The following POLE variants were observed in gnomAD, a reference collection of about 807,000 sequenced individuals.
The protein encoded by POLE is DNA polymerase epsilon, catalytic subunit.
POLE carries 188 observed loss-of-function variants against 279.2 expected under a neutral mutation model. The observed-to-expected ratio is 0.67, with a 90% CI of 0.60 to 0.76. The LOEUF (loss-of-function observed/expected upper bound fraction) is 0.76, where lower values mean the gene tolerates loss of function less well. POLE is among the 30% of genes least tolerant of loss of function. The pLI is 0.00. For missense variants in POLE, 2,703 were observed against 3,016.7 expected (o/e 0.90, Z 2.44); for synonymous variants, 1,214 against 1,172.5 (o/e 1.04, Z -0.72).
At chr12:132,656,154 C>T (rs925763846) in intron 29 of POLE, among the ~76,000 whole-genome samples, 11 of 151,566 alleles carry the variant, frequency 7.3e-5, no homozygotes, top group Non-Finnish European at 5.9e-5. Context: ...CCCAGCTACA[C>T]TAGAGGCTGA....
chr12:132,686,345 C>A (rs2043265984), intron 1 of POLE, among the ~76,000 whole-genome samples: 1 of 152,246 alleles, frequency 6.6e-6, no homozygotes, highest in East Asian at 1.9e-4. Context: ...GCAGCCTTGA[C>A]CTGCCGGGCT....
chr12:132,624,632 G>A lies in POLE; in HGVS notation c.*65C>T, dbSNP rs770636360. On this transcript the variant is annotated 3_prime_UTR_variant, in exon 49 of 49. Coordinates refer to ENST00000320574, the MANE Select transcript of POLE (RefSeq NM_006231.4). Reference sequence around the variant, plus strand: ...TCAGTGGTCTGGTCACTGGAAGCACGGGGATGTGGCCTTGGCATCAGGAGG... The same window carrying A: ...TCAGTGGTCTGGTCACTGGAAGCACAGGGATGTGGCCTTGGCATCAGGAGG... 36 of 909,900 alleles carry A rather than the reference G, an allele frequency of 4.0e-5. No homozygotes were observed. The highest frequency in any genetic ancestry group is 4.8e-5 in the East Asian group (2 of 41,812). The allele number at this position is 909,900 out of a possible 1,614,324, so 56.4% of individuals were successfully genotyped here.
At chr12:132,638,181 C>G in intron 40 of POLE, 42 bp from the exon 41 acceptor site, 1 of 1,598,534 alleles carries the variant, frequency 6.3e-7, no homozygotes, top group South Asian at 1.1e-5. Flanking sequence ...ACGCCACAGT[C>G]ATGGAGAGCC....
chr12:132,636,920 A>T (rs576695327), intron 41 of POLE, among the ~76,000 whole-genome samples: 2 of 152,322 alleles, frequency 1.3e-5, no homozygotes, highest in South Asian at 4.1e-4. Flanking sequence ...CGCGCTAAGG[A>T]AGAATAGCAG....
chr12:132,656,984 G>A (rs1220352333), intron 29 of POLE, 152 bp downstream of exon 29: 2 of 751,338 alleles, frequency 2.7e-6, no homozygotes, highest in Admixed American at 2.7e-5. Context: ...CAGAGTTAGA[G>A]AGTAAAGTGC....
At position 132,673,602 on chromosome 12, in the gene POLE, CAT is replaced by C; in HGVS notation, c.1330_1331del (p.Met444ValfsTer58). The C allele has an allele frequency of 6.2e-7, 1 of 1,613,480 alleles. No individual in the cohort carries two copies. Among genetic ancestry groups the C allele is most frequent in the Middle Eastern group, 1.7e-4 (1 of 6,058 alleles). On this transcript the variant is annotated frameshift_variant, in exon 13 of 49. Transcript: ENST00000320574. LOFTEE classifies it high-confidence loss of function. Reference protein sequence around the residue: ...YDPVELDPEDMCRMATEQPQT... With the variant: ...YDPVELDPEDXCRMATEQPQT... ...GGGGCTGCTCCGTGGCCATCCGGCA[CAT>C]GTCCTCCGGGTCTAGCTCCACGGGA...
rs144941152 is a variant in POLE at position 132,642,210 on chromosome 12, C to A, written c.5140G>T (p.Val1714Phe). 3 of 1,604,456 alleles carry A rather than the reference C, an allele frequency of 1.9e-6. No homozygotes were observed. Among genetic ancestry groups the A allele is most frequent in the African/African-American group, 2.7e-5 (2 of 74,704 alleles). ...LVMEFDDQATVEINSSGCYST... is the reference protein window; with the variant it reads ...LVMEFDDQATFEINSSGCYST... The stretch of plus-strand genomic sequence containing the variant: ...TAACAGCCTGAACTGTTGATCTCAA[C>A]AGTGGCTTGGTCATCGAACTCCATG... Residue 1714 changes from valine to phenylalanine, a missense_variant, in exon 38 of 49, where the codon GTT becomes TTT. By Grantham distance (50) the Val-to-Phe change is conservative. Transcript: ENST00000320574.
Position 132,664,571 on chromosome 12 carries a change from G to T in POLE, c.2469-109C>A. 1 of 809,688 alleles carries T rather than the reference G, an allele frequency of 1.2e-6. No individual in the cohort carries two copies. Among genetic ancestry groups the T allele is most frequent in the African/African-American group, 1.7e-5 (1 of 59,532 alleles). 50.2% of individuals were successfully genotyped at this position (809,688 alleles called of 1,614,324 possible). On this transcript the variant is annotated intron_variant, in intron 21 of 48. Coordinates refer to ENST00000320574, the MANE Select transcript of POLE (RefSeq NM_006231.4). This position sits in a 1 kb window ranked among gnomAD's most constrained non-coding sequence, Gnocchi z 5.3. ...AAAGGAGAGATGCGACAGGGACAAG[G>T]GAAGCAGCCAAATGTGCGTGCACCA...
chr12:132,682,427 T>G (rs2043190602), intron 1 of POLE, among the ~76,000 whole-genome samples: 1 of 151,928 alleles, frequency 6.6e-6, no homozygotes, highest in Non-Finnish European at 1.5e-5. Flanking sequence ...GAGGTTGCAG[T>G]GAGCCAAGAT....
Position 132,624,623 on chromosome 12 carries a change from TG to T in POLE, c.*73del. 1.1e-6 allele frequency: 1 copy of T among 875,868 alleles called. No homozygotes were observed. Among genetic ancestry groups the T allele is most frequent in the Non-Finnish European group, 2.0e-6 (1 of 508,316 alleles). 54.3% of individuals were successfully genotyped at this position (875,868 alleles called of 1,614,324 possible). On this transcript the variant is annotated 3_prime_UTR_variant, in exon 49 of 49. Transcript: ENST00000320574. The stretch of plus-strand genomic sequence containing the variant: ...TCAGGGTGGTCAGTGGTCTGGTCAC[TG>T]GAAGCACGGGGATGTGGCCTTGGCA...
chr12:132,647,159 G>A (rs1184258693), intron 32 of POLE, among the ~76,000 whole-genome samples: 2 of 152,098 alleles, frequency 1.3e-5, no homozygotes, highest in Non-Finnish European at 2.9e-5. Flanking sequence ...GTGTGTGTTG[G>A]GCGGGATTTG....
intron 39 of POLE, among the ~76,000 whole-genome samples, chr12:132,640,202 G>C (rs2042115089): frequency 6.6e-6 from 1 of 152,104 alleles, no homozygotes; most frequent in African/African-American, 2.4e-5. Context: ...CTTCAGTCCT[G>C]CCTTGCAGGA....
chr12:132,665,585 T>C (rs985934283), intron 20 of POLE, 135 bp from the exon 21 acceptor site: 38 of 950,044 alleles, frequency 4.0e-5, no homozygotes, highest in Non-Finnish European at 5.5e-5. Flanking sequence ...CAATGAAGAG[T>C]GTACATTCTT....
chr12:132,636,159 T>A (rs1194526805), intron 41 of POLE, 135 bp from the exon 42 acceptor site: 2 of 905,946 alleles, frequency 2.2e-6, no homozygotes, highest in African/African-American at 1.7e-5. Flanking sequence ...GACCACATCA[T>A]CCCTCAGGCT....
rs545351105 is a variant in POLE, at chr12:132,628,512, G to A, written c.6331-2195C>T. On this transcript the variant is annotated intron_variant, in intron 45 of 48. Transcript: ENST00000320574. ...ACAAAAATTAGCTGAGCATTGTGGC[G>A]GGCACCTGTAATCCCAGCTACTTGG... Among the ~76,000 whole-genome samples the A allele has an allele frequency of 1.4e-4, 21 of 151,810 alleles. No homozygotes were observed. In the South Asian group the frequency reaches 2.5e-3, roughly 18 times the overall value.
rs766544815 is a variant in POLE at position 132,659,364 on chromosome 12, A to G, written c.3206T>C (p.Val1069Ala). ...GCGGCAACTCAGCCCTGCATCCTTG[A>G]CCATCTGGTCTCCCAGGAACTCGGC... ...RLAEFLGDQMVKDAGLSCRYI... is the reference protein window; with the variant it reads ...RLAEFLGDQMAKDAGLSCRYI... Residue 1069 changes from valine to alanine, a missense_variant, in exon 26 of 49, where the codon GTC becomes GCC. Val to Ala is a moderately conservative substitution (Grantham distance 64). Transcript: ENST00000320574. 1 of 1,614,168 alleles carries G rather than the reference A, an allele frequency of 6.2e-7. No individual in the cohort carries two copies. Among genetic ancestry groups the G allele is most frequent in the Non-Finnish European group, 8.5e-7 (1 of 1,180,016 alleles).
chr12:132,676,064 C>T (rs1205936659), intron 10 of POLE, 30 bp downstream of exon 10: 15 of 1,395,954 alleles, frequency 1.1e-5, no homozygotes, highest in East Asian at 4.6e-5. Context: ...CCCACAATAC[C>T]GGGTAGTTTC....
chr12:132,665,849 C>G (rs1228215552), intron 20 of POLE, among the ~76,000 whole-genome samples: 1 of 152,174 alleles, frequency 6.6e-6, no homozygotes, highest in African/African-American at 2.4e-5. Context: ...ATTTAAGGAA[C>G]AAAAGCAAAT....
intron 41 of POLE, 37 bp from the exon 42 acceptor site, chr12:132,636,061 A>G (rs770730049): frequency 6.3e-7 from 1 of 1,595,776 alleles, no homozygotes; most frequent in South Asian, 1.1e-5. Flanking sequence ...CTTCAGTGAA[A>G]TCGACCTTGT....
Sources: gnomAD v4.1 joint callset for allele counts (sites outside exome capture counted in the v4.1 genomes callset) on GRCh38, gnomAD v4.1.1 for gene constraint, Gnocchi (gnomAD v3.1) non-coding constraint, MANE v1.5 for transcripts, NCBI Gene and HGNC (gene_info 2026-07-23, HGNC 2026-07-21) for gene names.